The following NBAS variants were observed in gnomAD, a reference collection of about 807,000 sequenced individuals.
The protein encoded by NBAS is NBAS subunit of NRZ tethering complex.
A neutral mutation model predicts 302.5 loss-of-function variants in NBAS; 219 were observed. The ratio of observed to expected loss-of-function variants is 0.72; its 90% CI spans 0.65 to 0.81. NBAS has a LOEUF of 0.81. NBAS is among the 30% of genes least tolerant of loss of function. The pLI, the probability that NBAS is intolerant of heterozygous loss-of-function variation, is 0.00. For missense variants in NBAS, 2,932 were observed against 2,841.6 expected (o/e 1.03, Z -0.72); for synonymous variants, 1,118 against 1,021.6 (o/e 1.09, Z -1.80).
At chr2:15,162,636 G>C (rs897275261), downstream of NBAS, among the ~76,000 whole-genome samples, 4 of 152,174 alleles carry the variant, frequency 2.6e-5, no homozygotes, top group East Asian at 7.7e-4. Flanking sequence ...GGATTCATTA[G>C]AACAAAAGGA....
At chr2:15,018,596 T>C in the NBAS span, among the ~76,000 whole-genome samples, 2 of 152,054 alleles carry the variant, frequency 1.3e-5, no homozygotes, top group Non-Finnish European at 2.9e-5. Context: ...AAAAAAACTC[T>C]CTTTCTAAAA....
At chr2:14,787,453 C>T in the NBAS span, among the ~76,000 whole-genome samples, 1 of 152,204 alleles carries the variant, frequency 6.6e-6, no homozygotes, top group African/African-American at 2.4e-5. Context: ...TTTGCAGTGG[C>T]TGGTACCGGC....
chr2:15,218,722 C>A, intron 48 of NBAS, 51 bp downstream of exon 48: 1 of 1,612,520 alleles, frequency 6.2e-7, no homozygotes. Context: ...GCAACCGCGT[C>A]CGGCCTAATT....
rs1666791043 is a variant in NBAS at position 15,218,992 on chromosome 2, T to C, written c.6237-24A>G. Reference sequence around the variant, plus strand: ...CACTGCAGGGCAAAATCCAGAGGTATCTGTAAACTCCTAAGCCTTTTATTT... The same window carrying C: ...CACTGCAGGGCAAAATCCAGAGGTACCTGTAAACTCCTAAGCCTTTTATTT... On this transcript the variant is annotated intron_variant, in intron 47 of 51. Coordinates refer to ENST00000281513, the MANE Select transcript of NBAS (RefSeq NM_015909.4). 4 of 1,613,476 alleles carry C rather than the reference T, an allele frequency of 2.5e-6. No homozygotes were observed. The South Asian group carries it at 3.3e-5, about 13-fold the overall frequency.
At chr2:15,465,229 T>C (rs546839887) in intron 19 of NBAS, among the ~76,000 whole-genome samples, 48 of 152,260 alleles carry the variant, frequency 3.2e-4, no homozygotes, top group African/African-American at 1.1e-3. Flanking sequence ...AAGACAAATC[T>C]CTAACTGTAT....
At chr2:15,161,807 T>C in the NBAS span, among the ~76,000 whole-genome samples, 2 of 152,136 alleles carry the variant, frequency 1.3e-5, no homozygotes, top group African/African-American at 2.4e-5. Flanking sequence ...ACCCTAAGGG[T>C]CCTGATCTCT....
the NBAS span, among the ~76,000 whole-genome samples, chr2:14,841,786 G>T: frequency 6.6e-6 from 1 of 151,836 alleles, no homozygotes; most frequent in East Asian, 1.9e-4. Flanking sequence ...AGATTATTCA[G>T]AAAGAAAATC....
chr2:15,243,469 A>T (rs1167902853), intron 44 of NBAS, among the ~76,000 whole-genome samples: 1 of 152,062 alleles, frequency 6.6e-6, no homozygotes, highest in Non-Finnish European at 1.5e-5. Flanking sequence ...GATTAGGTGC[A>T]TGAGAGACTA....
intron 18 of NBAS, 116 bp downstream of exon 18, chr2:15,467,548 G>T (rs766539097): frequency 1.7e-5 from 22 of 1,281,124 alleles, no homozygotes; most frequent in African/African-American, 3.0e-5. Context: ...ATAATAGTAA[G>T]TACATTTGAT....
the NBAS span, among the ~76,000 whole-genome samples, chr2:14,908,102 G>A: frequency 3.9e-5 from 6 of 152,302 alleles, no homozygotes; most frequent in African/African-American, 7.2e-5. Context: ...AGTGGCTCAC[G>A]CCTGTAATCC....
chr2:14,909,366 TAAAAAA>T, the NBAS span, among the ~76,000 whole-genome samples: 14 of 78,578 alleles, frequency 1.8e-4, no homozygotes, highest in South Asian at 3.7e-4. Flanking sequence ...GGAGAGTTTC[TAAAAAA>T]AAAAAAAAAA....
chr2:14,959,852 T>C, the NBAS span, among the ~76,000 whole-genome samples: 1 of 152,230 alleles, frequency 6.6e-6, no homozygotes, highest in African/African-American at 2.4e-5. Context: ...ATATTTCTGT[T>C]ACCTTCGATT....
chr2:15,484,673 T>C (rs1245417911), intron 12 of NBAS, among the ~76,000 whole-genome samples: 1 of 152,208 alleles, frequency 6.6e-6, no homozygotes. Flanking sequence ...TCAGCTGACC[T>C]ACATGCCTTT....
At chr2:15,220,074 G>A (rs1212030332) in intron 47 of NBAS, among the ~76,000 whole-genome samples, 3 of 140,352 alleles carry the variant, frequency 2.1e-5, no homozygotes, top group Non-Finnish European at 4.7e-5. Flanking sequence ...CTGGCCGGGC[G>A]GGGGGCTGAC....
chr2:15,445,535 T>G, intron 21 of NBAS, among the ~76,000 whole-genome samples: 1 of 146,094 alleles, frequency 6.8e-6, no homozygotes, highest in South Asian at 2.3e-4. Context: ...GGGATAGCAT[T>G]GGGAGATATA....
chr2:15,354,765 C>CCTTG (rs1420132051), intron 33 of NBAS, among the ~76,000 whole-genome samples: 1 of 152,208 alleles, frequency 6.6e-6, no homozygotes, highest in Non-Finnish European at 1.5e-5. Context: ...TGGCCCCCAG[C>CCTTG]CTTGCTAGGC....
At chr2:15,438,677 C>T (rs1359572207) in intron 21 of NBAS, among the ~76,000 whole-genome samples, 1 of 152,186 alleles carries the variant, frequency 6.6e-6, no homozygotes, top group African/African-American at 2.4e-5. Context: ...GCCTGGCAGG[C>T]CTTCTGGGCT....
At chr2:14,857,650 T>C in the NBAS span, among the ~76,000 whole-genome samples, 1 of 152,160 alleles carries the variant, frequency 6.6e-6, no homozygotes, top group Non-Finnish European at 1.5e-5. Flanking sequence ...GACCTCTTTC[T>C]TGCTATATAT....
At chr2:14,788,282 C>T in the NBAS span, among the ~76,000 whole-genome samples, 81 of 152,172 alleles carry the variant, frequency 5.3e-4, no homozygotes, top group African/African-American at 1.7e-3. Context: ...CCCCTGTAGC[C>T]GGAGTAGTTT....
Sources: gnomAD v4.1 joint callset for allele counts (sites outside exome capture counted in the v4.1 genomes callset) on GRCh38, gnomAD v4.1.1 for gene constraint, MANE v1.5 for transcripts, NCBI Gene and HGNC (gene_info 2026-07-23, HGNC 2026-07-21) for gene names.